The following TAOK3 variants were observed in gnomAD, a reference collection of about 807,000 sequenced individuals.
The protein encoded by TAOK3 is TAO kinase 3.
Under a neutral mutation model 120.4 loss-of-function variants are expected in TAOK3, and 40 were observed. The observed-to-expected ratio is 0.33, with a 90% CI of 0.26 to 0.43. The LOEUF (loss-of-function observed/expected upper bound fraction) is 0.43. TAOK3 is among the 20% of genes least tolerant of loss of function. TAOK3 has a pLI of 1.00. For synonymous variants in TAOK3, 355 were observed against 387.5 expected (o/e 0.92, Z 0.99); for missense variants, 821 against 1,112.1 (o/e 0.74, Z 3.72).
Position 118,199,081 on chromosome 12 carries a change from G to A in TAOK3, c.1164C>T (p.Ile388=). ...LVMMHDDEST[I]NSSSSVVHKK... ...TATGCACGACGGAGGAGCTGGAATT[G>A]ATTGTGCTTTCGTCATCGTGCATCA... is the stretch of plus-strand genomic sequence containing the variant. The change falls in exon 13 of 21, where the codon ATC becomes ATT. Residue 388 remains isoleucine (I), a synonymous_variant. Transcript: ENST00000392533. The A allele has an allele frequency of 1.2e-6, 2 of 1,614,176 alleles. No homozygotes were observed. The highest frequency in any genetic ancestry group is 1.7e-6 in the Non-Finnish European group (2 of 1,180,044).
chr12:118,280,794 G>A (rs2042073577), intron 1 of TAOK3, among the ~76,000 whole-genome samples: 1 of 152,132 alleles, frequency 6.6e-6, no homozygotes, highest in African/African-American at 2.4e-5. Context: ...GGGCAGTATG[G>A]CCATTTTAAC....
chr12:118,266,579 A>G (rs1189696965), intron 2 of TAOK3, 76 bp downstream of exon 2: 3 of 396,602 alleles, frequency 7.6e-6, no homozygotes, highest in Non-Finnish European at 1.3e-5. Flanking sequence ...TTTCAAAGAT[A>G]AAAATTCATC....
chr12:118,225,185 T>C (rs1369824317), intron 9 of TAOK3, among the ~76,000 whole-genome samples: 2 of 146,832 alleles, frequency 1.4e-5, no homozygotes, highest in Admixed American at 7.0e-5. Flanking sequence ...GGGGTGGAGG[T>C]TGCAGTGAGC....
intron 1 of TAOK3, among the ~76,000 whole-genome samples, chr12:118,270,423 C>A (rs775606160): frequency 3.3e-5 from 5 of 152,124 alleles, no homozygotes; most frequent in Non-Finnish European, 4.4e-5. Flanking sequence ...AATCTCACTA[C>A]TTCCTATGGG....
Position 118,182,187 on chromosome 12 carries a change from AAAC to A in TAOK3, c.1330-583_1330-581del, listed in dbSNP as rs571700333. On this transcript the variant is annotated intron_variant, in intron 14 of 20. Coordinates refer to ENST00000392533, the MANE Select transcript of TAOK3 (RefSeq NM_016281.4). ...GTGACAGAGACTCTGTCTCAAAAAA[AAAC>A]AACAACAACAAAAAGAAATTATTTA... Among the ~76,000 whole-genome samples, 191 of 152,296 alleles carry A rather than the reference AAAC, an allele frequency of 1.3e-3. 3 individuals carry two copies. The highest frequency in any genetic ancestry group is 4.1e-3 in the African/African-American group (170 of 41,554).
At position 118,321,766 on chromosome 12, in the gene TAOK3, A is replaced by G. The variant is rs1593535465; in HGVS notation, c.-194+50882T>C. Among the ~76,000 whole-genome samples, 8 of 152,250 alleles carry G rather than the reference A, an allele frequency of 5.3e-5. No homozygotes were observed. The South Asian group carries it at 1.7e-3, about 32-fold the overall frequency. ...TCCTTTGTTGTTTCACTTATCTGAG[A>G]TGGCAATGTTGCTACAAAAGGACCT... On this transcript the variant is annotated intron_variant, in intron 1 of 20. Transcript: ENST00000392533.
intron 17 of TAOK3, among the ~76,000 whole-genome samples, chr12:118,164,579 G>C (rs1385189675): frequency 6.6e-6 from 1 of 151,756 alleles, no homozygotes; most frequent in Admixed American, 6.6e-5. Context: ...CACCACGCCT[G>C]GCTAATTTTT....
At chr12:118,369,921 C>T (rs138995407) in intron 1 of TAOK3, among the ~76,000 whole-genome samples, 6,479 of 152,160 alleles carry the variant, frequency 0.043, 338 homozygotes, top group African/African-American at 0.11. Flanking sequence ...TGTCGCCAGG[C>T]TGGAGTGCAG....
intron 1 of TAOK3, among the ~76,000 whole-genome samples, chr12:118,292,676 A>C (rs980592847): frequency 5.3e-5 from 8 of 152,228 alleles, no homozygotes; most frequent in African/African-American, 1.9e-4. Flanking sequence ...CTTTCAGTTA[A>C]ATCATGACAT....
At chr12:118,292,004 G>T (rs2042503430) in intron 1 of TAOK3, among the ~76,000 whole-genome samples, 1 of 151,936 alleles carries the variant, frequency 6.6e-6, no homozygotes, top group African/African-American at 2.4e-5. Context: ...TAGTGAAGAC[G>T]GGGTTTCACC....
chr12:118,268,046 C>A (rs1365442915), intron 1 of TAOK3, among the ~76,000 whole-genome samples: 1 of 152,196 alleles, frequency 6.6e-6, no homozygotes, highest in African/African-American at 2.4e-5. Flanking sequence ...TAGTTCACCT[C>A]TTTTATCTAA....
At chr12:118,352,638 G>A (rs1011653709) in intron 1 of TAOK3, among the ~76,000 whole-genome samples, 1 of 152,110 alleles carries the variant, frequency 6.6e-6, no homozygotes, top group East Asian at 1.9e-4. Context: ...TGTAAATGAG[G>A]TGACAGACTG....
At chr12:118,207,719 G>C (rs1182044514) in intron 11 of TAOK3, among the ~76,000 whole-genome samples, 1 of 152,122 alleles carries the variant, frequency 6.6e-6, no homozygotes, top group Non-Finnish European at 1.5e-5. Context: ...GCCAGACATG[G>C]TGGCGTGTGC....
At chr12:118,339,901 A>G (rs2044543693) in intron 1 of TAOK3, among the ~76,000 whole-genome samples, 1 of 152,158 alleles carries the variant, frequency 6.6e-6, no homozygotes, top group Non-Finnish European at 1.5e-5. Context: ...CTCTTTTCCC[A>G]ACTTTTAAAA....
At chr12:118,286,423 T>C (rs1176220748) in intron 1 of TAOK3, among the ~76,000 whole-genome samples, 2 of 151,888 alleles carry the variant, frequency 1.3e-5, no homozygotes, top group African/African-American at 4.8e-5. Flanking sequence ...AGGACATGAA[T>C]AGACAATTCT....
At chr12:118,316,449 G>A (rs2043461767) in intron 1 of TAOK3, among the ~76,000 whole-genome samples, 2 of 152,042 alleles carry the variant, frequency 1.3e-5, no homozygotes, top group African/African-American at 4.8e-5. Context: ...CTTAGAGGTG[G>A]GGTCTCGCTC....
At chr12:118,348,735 C>G (rs189827011) in intron 1 of TAOK3, among the ~76,000 whole-genome samples, 96 of 152,134 alleles carry the variant, frequency 6.3e-4, no homozygotes, top group African/African-American at 2.2e-3. Context: ...CAGGCGTGAG[C>G]CACTGCGCCC....
intron 1 of TAOK3, among the ~76,000 whole-genome samples, chr12:118,270,852 T>G (rs1194515136): frequency 6.6e-6 from 1 of 152,024 alleles, no homozygotes; most frequent in Admixed American, 6.6e-5. Context: ...TTTTTTTTTG[T>G]ATTTTTAGTA....
chr12:118,221,087 C>T (rs1332841278), intron 9 of TAOK3, among the ~76,000 whole-genome samples: 1 of 152,262 alleles, frequency 6.6e-6, no homozygotes, highest in African/African-American at 2.4e-5. Context: ...TTGTCTATGA[C>T]TGCTTTCATC....
Sources: allele counts gnomAD v4.1 joint callset (sites outside exome capture counted in the v4.1 genomes callset), GRCh38; gene constraint gnomAD v4.1.1; transcripts MANE v1.5; gene names NCBI Gene and HGNC (gene_info 2026-07-23, HGNC 2026-07-21).